The following YPEL1 variants were observed in gnomAD, a reference collection of about 807,000 sequenced individuals.
YPEL1 encodes protein yippee-like 1.
In YPEL1, 7 loss-of-function variants were observed where a neutral mutation model predicts 17.3. The ratio of observed to expected loss-of-function variants is 0.40; its 90% CI spans 0.23 to 0.76. The LOEUF (loss-of-function observed/expected upper bound fraction) is 0.76, where lower values mean the gene tolerates loss of function less well. Among genes scored for constraint, YPEL1 ranks in the 30% least tolerant of loss-of-function variants. The pLI is 0.35. For missense variants in YPEL1, 91 were observed against 155.5 expected (o/e 0.59, Z 2.21); for synonymous variants, 59 against 59.6 (o/e 0.99, Z 0.05).
chr22:21,717,171 T>C (rs573492799), intron 1 of YPEL1, among the ~76,000 whole-genome samples: 1 of 150,784 alleles, frequency 6.6e-6, no homozygotes, highest in African/African-American at 2.4e-5. Context: ...AGGTCAGGAG[T>C]TCGAGACCAG....
chr22:21,705,580 G>A (rs1327881302), intron 2 of YPEL1, among the ~76,000 whole-genome samples: 2 of 152,022 alleles, frequency 1.3e-5, no homozygotes, highest in East Asian at 1.9e-4. Context: ...TGACAATATC[G>A]AAGTGGAAAA....
At chr22:21,731,313 C>CA (rs1378569257) in intron 1 of YPEL1, among the ~76,000 whole-genome samples, 10 of 148,492 alleles carry the variant, frequency 6.7e-5, no homozygotes, top group Non-Finnish European at 1.5e-4. Context: ...GCCTGGATGA[C>CA]AGAGTGAGAC....
At chr22:21,714,983 G>A (rs1259296225) in intron 1 of YPEL1, among the ~76,000 whole-genome samples, 4 of 152,114 alleles carry the variant, frequency 2.6e-5, no homozygotes, top group Non-Finnish European at 5.9e-5. Flanking sequence ...AAGCCATATC[G>A]GTCGTGGAAT....
chr22:21,710,795 G>A lies in YPEL1; in HGVS notation c.-51C>T. 2.7e-6 allele frequency: 4 copies of A among 1,489,046 alleles called. No homozygotes were observed. The highest frequency in any genetic ancestry group is 3.8e-6 in the Non-Finnish European group (4 of 1,066,298). The allele number at this position is 1,489,046 out of a possible 1,614,324, so 92.2% of individuals were successfully genotyped here. Reference sequence around the variant, plus strand: ...TCAGGGCTGGTTCTGGAAGAACCGTGGCTCTGCTGGCCTCTCTGACAAAAG... The same window carrying A: ...TCAGGGCTGGTTCTGGAAGAACCGTAGCTCTGCTGGCCTCTCTGACAAAAG... On this transcript the variant is annotated 5_prime_UTR_variant, in exon 2 of 5. Coordinates refer to ENST00000339468, the MANE Select transcript of YPEL1 (RefSeq NM_013313.5).
chr22:21,716,077 T>G (rs1161734374), intron 1 of YPEL1, among the ~76,000 whole-genome samples: 1 of 152,152 alleles, frequency 6.6e-6, no homozygotes, highest in African/African-American at 2.4e-5. Flanking sequence ...CCTGACTAAT[T>G]TTTGTATTTT....
chr22:21,703,552 C>T lies in YPEL1; in HGVS notation c.162-74G>A. On this transcript the variant is annotated intron_variant, in intron 3 of 4. Transcript: ENST00000339468. The surrounding 1 kb of genome is among the most constrained non-coding windows in gnomAD (Gnocchi z 6.1). Reference sequence around the variant, plus strand: ...CCAGGCCCTGCCCCCTCAGCGGGCCCCACCCCATCCTCCTAAGAGTTCCCC... The same window carrying T: ...CCAGGCCCTGCCCCCTCAGCGGGCCTCACCCCATCCTCCTAAGAGTTCCCC... The T allele has an allele frequency of 4.4e-6, 6 of 1,353,292 alleles. No homozygotes were observed. The highest frequency in any genetic ancestry group is 2.3e-5 in the East Asian group (1 of 43,262). The allele number at this position is 1,353,292 out of a possible 1,614,324, so 83.8% of individuals were successfully genotyped here.
At chr22:21,706,360 G>A (rs748559479) in intron 2 of YPEL1, among the ~76,000 whole-genome samples, 3 of 151,096 alleles carry the variant, frequency 2.0e-5, no homozygotes, top group Non-Finnish European at 3.0e-5. Flanking sequence ...ACCGGGACCC[G>A]GGAGGCAGAG....
In YPEL1 at chr22:21,720,534, A is replaced by C. The variant is rs375558866; in HGVS notation, c.-164-9626T>G. Among the ~76,000 whole-genome samples, 22 of 151,620 alleles carry C rather than the reference A, an allele frequency of 1.5e-4. No individual in the cohort carries two copies. The East Asian group carries it at 3.7e-3, about 26-fold the overall frequency. On this transcript the variant is annotated intron_variant, in intron 1 of 4. Coordinates refer to ENST00000339468, the MANE Select transcript of YPEL1 (RefSeq NM_013313.5). ...TTGAGACAGTCTCACTCTGTCACCCAGGCTGGAGTGCAATGGCATGATTTC... is the reference window on the plus strand; with the variant it reads ...TTGAGACAGTCTCACTCTGTCACCCCGGCTGGAGTGCAATGGCATGATTTC...
intron 1 of YPEL1, among the ~76,000 whole-genome samples, chr22:21,713,692 T>G (rs1212158706): frequency 3.9e-5 from 6 of 152,220 alleles, no homozygotes; most frequent in Non-Finnish European, 8.8e-5. Context: ...TTAATGTCAC[T>G]GAACTGTACA....
intron 1 of YPEL1, among the ~76,000 whole-genome samples, chr22:21,713,225 T>C (rs1013971018): frequency 2.6e-5 from 4 of 152,014 alleles, no homozygotes; most frequent in African/African-American, 9.7e-5. Context: ...AAACGAAATA[T>C]AGAATTACCA....
intron 4 of YPEL1, among the ~76,000 whole-genome samples, chr22:21,701,689 G>C (rs1353340518): frequency 6.6e-6 from 1 of 152,154 alleles, no homozygotes; most frequent in Non-Finnish European, 1.5e-5. Flanking sequence ...TTGAAGAGAT[G>C]CAAAAGACTA....
chr22:21,711,682 A>G (rs1011391073), intron 1 of YPEL1, among the ~76,000 whole-genome samples: 13 of 152,232 alleles, frequency 8.5e-5, no homozygotes, highest in African/African-American at 2.7e-4. Context: ...GCAAAAATAT[A>G]AAGTTGGACT....
At position 21,703,338 on chromosome 22, in the gene YPEL1, T is replaced by C; in HGVS notation, c.270+32A>G. On this transcript the variant is annotated intron_variant, in intron 4 of 4. Transcript: ENST00000339468. The surrounding 1 kb of genome is among the most constrained non-coding windows in gnomAD (Gnocchi z 6.1). Reference sequence around the variant, plus strand: ...AGTGGCAACTTAGTGCCACATCCCCTTGTGGCACGAGCATCCCCTTGTGGC... The same window carrying C: ...AGTGGCAACTTAGTGCCACATCCCCCTGTGGCACGAGCATCCCCTTGTGGC... 1 of 1,590,026 alleles carries C rather than the reference T, an allele frequency of 6.3e-7. No homozygotes were observed. Among genetic ancestry groups the C allele is most frequent in the Non-Finnish European group, 8.6e-7 (1 of 1,159,834 alleles).
At chr22:21,734,412 T>A (rs141153623) in intron 1 of YPEL1, among the ~76,000 whole-genome samples, 30 of 152,306 alleles carry the variant, frequency 2.0e-4, no homozygotes, top group African/African-American at 6.7e-4. Flanking sequence ...TGTACTATCT[T>A]TGCAACCTTT....
At chr22:21,706,350 AC>A in intron 2 of YPEL1, among the ~76,000 whole-genome samples, 1 of 137,554 alleles carries the variant, frequency 7.3e-6, no homozygotes, top group South Asian at 2.4e-4. Context: ...AATTGCTTGA[AC>A]CGGGACCCGG....
In YPEL1 at chr22:21,717,557, A is replaced by C. The variant is rs573359176; in HGVS notation, c.-164-6649T>G. Among the ~76,000 whole-genome samples, 34 of 152,272 alleles carry C rather than the reference A, an allele frequency of 2.2e-4. No individual in the cohort carries two copies. The East Asian group carries it at 4.4e-3, about 20-fold the overall frequency. On this transcript the variant is annotated intron_variant, in intron 1 of 4. Transcript: ENST00000339468. ...TGTGGATTCTCCAGAATTAAGGAAA[A>C]GCTACTAATCCACAGACTTAAAAAG... is the stretch of plus-strand genomic sequence containing the variant.
intron 2 of YPEL1, 167 bp downstream of exon 2, chr22:21,710,461 C>T: frequency 1.5e-6 from 1 of 675,176 alleles, no homozygotes. Flanking sequence ...GGCACAGCCA[C>T]ACTTAACCAT....
rs764249931 is a variant in YPEL1 at position 21,703,874 on chromosome 22, C to A, written c.126G>T (p.Gln42His). 2 of 1,600,276 alleles carry A rather than the reference C, an allele frequency of 1.2e-6. No individual in the cohort carries two copies. Among genetic ancestry groups the A allele is most frequent in the Non-Finnish European group, 1.7e-6 (2 of 1,173,592 alleles). The change falls in exon 3 of 5, where the codon CAG (glutamine) becomes CAT (histidine). Residue 42 changes from glutamine to histidine, a missense_variant. By Grantham distance (24) the Gln-to-His change is conservative. Transcript: ENST00000339468. The surrounding 1 kb of genome is among the most constrained non-coding windows in gnomAD (Gnocchi z 6.1). ...AGAGGTAGGCGCGTCCCTGGCTCCCCTGAAAGGACTGAAAGAAGAAGGTCC... is the reference window on the plus strand; with the variant it reads ...AGAGGTAGGCGCGTCCCTGGCTCCCATGAAAGGACTGAAAGAAGAAGGTCC... ...NHDELISKSF[Q>H]GSQGRAYLFN...
intron 2 of YPEL1, among the ~76,000 whole-genome samples, chr22:21,705,093 G>A (rs1259863960): frequency 2.6e-5 from 4 of 152,152 alleles, no homozygotes; most frequent in African/African-American, 9.7e-5. Flanking sequence ...AGCCTCTCCA[G>A]TAGCTAGGAC....
Sources: allele counts gnomAD v4.1 joint callset (sites outside exome capture counted in the v4.1 genomes callset), GRCh38; gene constraint gnomAD v4.1.1; non-coding constraint Gnocchi (gnomAD v3.1); transcripts MANE v1.5; gene names NCBI Gene and HGNC (gene_info 2026-07-23, HGNC 2026-07-21).